Variants in TMEM51 observed in about 807,000 individuals in gnomAD.
The protein encoded by TMEM51 is chromosome 1 open reading frame 72.
A neutral mutation model predicts 13.6 loss-of-function variants in TMEM51; 8 were observed. That is an observed-to-expected ratio of 0.59 (90% confidence interval 0.35 to 1.07). TMEM51 has a LOEUF of 1.07. Ranked by LOEUF, TMEM51 falls within the 50% of genes least tolerant of loss-of-function variation. TMEM51 has a pLI of 0.02. For synonymous variants in TMEM51, 147 were observed against 144.4 expected (o/e 1.02, Z -0.13); for missense variants, 279 against 330.7 (o/e 0.84, Z 1.21).
Position 15,219,447 on chromosome 1 carries a change from A to G in TMEM51, c.466A>G (p.Ile156Val), listed in dbSNP as rs763609450. Residue 156 changes from isoleucine to valine, a missense_variant, in exon 4 of 4, where the codon ATC (isoleucine) becomes GTC (valine). Coordinates refer to ENST00000376008, the MANE Select transcript of TMEM51 (RefSeq NM_001136218.2). ...RGEEQNPRLS[I>V]SLPSYESLTG... The stretch of plus-strand genomic sequence containing the variant: ...AGAGGAGCAGAACCCGAGGTTGAGC[A>G]TCTCTCTCCCGTCCTATGAGTCACT... 4 of 1,613,936 alleles carry G rather than the reference A, an allele frequency of 2.5e-6. No individual in the cohort carries two copies. The highest frequency in any genetic ancestry group is 3.4e-6 in the Non-Finnish European group (4 of 1,179,986).
At chr1:15,173,512 C>A (rs1313035131) in intron 1 of TMEM51, among the ~76,000 whole-genome samples, 2 of 152,016 alleles carry the variant, frequency 1.3e-5, no homozygotes, top group African/African-American at 4.8e-5. Flanking sequence ...TGAGCTACTG[C>A]GCCTGGCCAA....
intron 3 of TMEM51, among the ~76,000 whole-genome samples, chr1:15,216,541 G>A (rs149541941): frequency 1.7e-3 from 262 of 152,186 alleles, no homozygotes; most frequent in African/African-American, 6.1e-3. Context: ...ATGAAATGTT[G>A]ACTGATAGAA....
intron 1 of TMEM51, among the ~76,000 whole-genome samples, chr1:15,191,265 C>T (rs1298224967): frequency 2.0e-5 from 3 of 152,226 alleles, no homozygotes; most frequent in Non-Finnish European, 4.4e-5. Flanking sequence ...TCCCTGAAGC[C>T]TCCAGAAGGA....
At chr1:15,153,385 C>T (rs752744412), upstream of TMEM51, among the ~76,000 whole-genome samples, 1 of 152,154 alleles carries the variant, frequency 6.6e-6, no homozygotes, top group Non-Finnish European at 1.5e-5. Flanking sequence ...CCGACCACCA[C>T]CCGTCACACA....
intron 3 of TMEM51, among the ~76,000 whole-genome samples, chr1:15,216,977 T>C (rs1644441705): frequency 6.6e-6 from 1 of 152,204 alleles, no homozygotes; most frequent in Non-Finnish European, 1.5e-5. Context: ...CTTCATTAGA[T>C]GTTTCTGTGT....
chr1:15,165,814 C>T (rs370927271), intron 1 of TMEM51, among the ~76,000 whole-genome samples: 2 of 152,004 alleles, frequency 1.3e-5, no homozygotes, highest in South Asian at 2.1e-4. Flanking sequence ...ACTGATGATA[C>T]GAAAGATTGT....
intron 1 of TMEM51, among the ~76,000 whole-genome samples, chr1:15,169,198 A>G (rs749383808): frequency 1.3e-5 from 2 of 152,196 alleles, no homozygotes; most frequent in Non-Finnish European, 2.9e-5. Flanking sequence ...GAACCCAGCC[A>G]GTCTCATTCT....
At chr1:15,203,798 C>A (rs1644201698) in intron 1 of TMEM51, among the ~76,000 whole-genome samples, 1 of 152,110 alleles carries the variant, frequency 6.6e-6, no homozygotes, top group Admixed American at 6.5e-5. Flanking sequence ...ACTTATAAAC[C>A]CAGTGAGGTA....
chr1:15,188,724 G>A (rs897736527), intron 1 of TMEM51, among the ~76,000 whole-genome samples: 1 of 152,192 alleles, frequency 6.6e-6, no homozygotes, highest in Non-Finnish European at 1.5e-5. Context: ...GCGTACCTGT[G>A]GGGGACCTGG....
At chr1:15,215,528 TC>T in intron 3 of TMEM51, 97 bp downstream of exon 3, 8 of 1,142,924 alleles carry the variant, frequency 7.0e-6, no homozygotes, top group Non-Finnish European at 9.6e-6. Context: ...AAGACTGTCA[TC>T]TACAGGCTTT....
intron 1 of TMEM51, among the ~76,000 whole-genome samples, chr1:15,167,300 C>A (rs1643045225): frequency 7.9e-6 from 1 of 126,886 alleles, no homozygotes; most frequent in Non-Finnish European, 1.6e-5. Flanking sequence ...GCACTCCAGC[C>A]TGGGCGACAG....
Sources: gnomAD v4.1 joint callset for allele counts (sites outside exome capture counted in the v4.1 genomes callset) on GRCh38, gnomAD v4.1.1 for gene constraint, MANE v1.5 for transcripts, NCBI Gene and HGNC (gene_info 2026-07-23, HGNC 2026-07-21) for gene names.